Variants in GBE1 observed in about 807,000 individuals in gnomAD.
The protein encoded by GBE1 is 1,4-alpha-glucan-branching enzyme.
In GBE1, 70 loss-of-function variants were observed where a neutral mutation model predicts 88.8. The ratio of observed to expected loss-of-function variants is 0.79; its 90% CI spans 0.65 to 0.96. The LOEUF (loss-of-function observed/expected upper bound fraction) is 0.96. Among genes scored for constraint, GBE1 ranks in the 40% least tolerant of loss-of-function variants. The probability of loss-of-function intolerance (pLI) is 0.00; values close to 1 mark genes in which losing one functional copy is unlikely to be tolerated. For synonymous variants in GBE1, 284 were observed against 300.1 expected (o/e 0.95, Z 0.56); for missense variants, 872 against 871.0 (o/e 1.00, Z -0.01).
intron 12 of GBE1, among the ~76,000 whole-genome samples, chr3:81,566,223 T>G (rs969549874): frequency 1.3e-5 from 2 of 152,304 alleles, no homozygotes; most frequent in Middle Eastern, 6.8e-3. Flanking sequence ...CTCTCTTCAC[T>G]TCCTAGCCTT....
chr3:81,621,578 A>C (rs1704334017), intron 7 of GBE1, among the ~76,000 whole-genome samples: 1 of 152,016 alleles, frequency 6.6e-6, no homozygotes, highest in Non-Finnish European at 1.5e-5. Context: ...CCAACAGAAA[A>C]TTACTCCTAA....
chr3:81,750,605 A>ATATATACG (rs1706500358), intron 1 of GBE1, among the ~76,000 whole-genome samples: 1 of 35,540 alleles, frequency 2.8e-5, no homozygotes, highest in African/African-American at 1.4e-4. Flanking sequence ...ATATATGTGT[A>ATATATACG]TATATATATA....
At chr3:81,500,151 G>A (rs576922668) in intron 14 of GBE1, among the ~76,000 whole-genome samples, 5 of 152,110 alleles carry the variant, frequency 3.3e-5, no homozygotes, top group Non-Finnish European at 5.9e-5. Flanking sequence ...AGATGGACAC[G>A]CTACAGAAAC....
chr3:81,524,375 T>G (rs13323669), intron 14 of GBE1, among the ~76,000 whole-genome samples: 24,829 of 151,848 alleles, frequency 0.16, 2,118 homozygotes, highest in Non-Finnish European at 0.21. Flanking sequence ...TCCTTATGTA[T>G]TCTAGTTATT....
intron 1 of GBE1, among the ~76,000 whole-genome samples, chr3:81,708,523 T>C (rs1023046363): frequency 8.5e-5 from 13 of 152,124 alleles, no homozygotes; most frequent in Non-Finnish European, 1.3e-4. Flanking sequence ...ATAGTCTATA[T>C]GGATGGGATA....
chr3:81,630,806 G>A (rs912600827), intron 7 of GBE1, among the ~76,000 whole-genome samples: 1 of 152,148 alleles, frequency 6.6e-6, no homozygotes, highest in Non-Finnish European at 1.5e-5. Flanking sequence ...CTTTAAACAT[G>A]TAATCAGTAG....
intron 14 of GBE1, among the ~76,000 whole-genome samples, chr3:81,523,692 C>T (rs1367046486): frequency 6.6e-6 from 1 of 151,586 alleles, no homozygotes; most frequent in Non-Finnish European, 1.5e-5. Flanking sequence ...ACTCTCTTAT[C>T]TCCATGAGAT....
chr3:81,737,323 A>ATATATATTTT lies in GBE1; in HGVS notation c.143+24042_143+24051dup, dbSNP rs1706272298. 2.0e-5 allele frequency among the ~76,000 whole-genome samples: 2 copies of ATATATATTTT among 100,698 alleles called. 1 individual carries two copies. The highest frequency in any genetic ancestry group is 2.2e-4 in the Admixed American group (2 of 9,164). The allele number at this position is 100,698 out of a possible 152,430, so 66.1% of individuals were successfully genotyped here. On this transcript the variant is annotated intron_variant, in intron 1 of 15. Transcript: ENST00000429644. Reference sequence around the variant, plus strand: ...TATAAATATATATTTATATATATTTATATATATTTTTATATATATTTATAT... The same window carrying ATATATATTTT: ...TATAAATATATATTTATATATATTTATATATATTTTTATATATTTTTATATATATTTATAT...
intron 7 of GBE1, chr3:81,612,938 A>AGATGATGAT: frequency 2.6e-6 from 1 of 391,804 alleles, no homozygotes; most frequent in Non-Finnish European, 4.8e-6. Flanking sequence ...AAGGAGAAAA[A>AGATGATGAT]GATGATGATG....
At chr3:81,564,469 C>T (rs899745194) in intron 12 of GBE1, among the ~76,000 whole-genome samples, 1 of 152,094 alleles carries the variant, frequency 6.6e-6, no homozygotes, top group African/African-American at 2.4e-5. Flanking sequence ...ATCCTAAGAC[C>T]AAGACTGAAA....
chr3:81,509,572 A>G (rs186096799), intron 14 of GBE1: 79 of 151,852 alleles, frequency 5.2e-4, no homozygotes, highest in Admixed American at 1.4e-3. Context: ...TATATAAGAA[A>G]TTCCTTTTTT....
In GBE1 at chr3:81,591,108, C is replaced by T; in HGVS notation, c.1165G>A (p.Ala389Thr). Reference sequence around the variant, plus strand: ...TTTGCCAACATGAGGTAAGTCAAGGCATCTTCATCTACTTGTAGTCCGAAA... The same window carrying T: ...TTTGCCAACATGAGGTAAGTCAAGGTATCTTCATCTACTTGTAGTCCGAAA... ...EYFGLQVDED[A>T]LTYLMLANHL... The change falls in exon 9 of 16, where the codon GCC becomes ACC. Residue 389 changes from alanine to threonine, a missense_variant. By Grantham distance (58) the Ala-to-Thr change is moderately conservative. Transcript: ENST00000429644. 8 of 1,608,484 alleles carry T rather than the reference C, an allele frequency of 5.0e-6. No individual in the cohort carries two copies. Among genetic ancestry groups the T allele is most frequent in the East Asian group, 4.5e-5 (2 of 44,688 alleles).
chr3:81,584,483 G>A (rs1165227885), intron 10 of GBE1, among the ~76,000 whole-genome samples: 3 of 152,030 alleles, frequency 2.0e-5, no homozygotes, highest in East Asian at 1.9e-4. Flanking sequence ...GGGTTTTATT[G>A]TAATACTATT....
At chr3:81,612,302 T>C in intron 7 of GBE1, 1 of 858,800 alleles carries the variant, frequency 1.2e-6, no homozygotes, top group Non-Finnish European at 1.8e-6. Context: ...ATTCTGCGTT[T>C]GACTTTAATG....
At chr3:81,592,090 C>G (rs1703886441) in intron 8 of GBE1, among the ~76,000 whole-genome samples, 1 of 152,002 alleles carries the variant, frequency 6.6e-6, no homozygotes, top group South Asian at 2.1e-4. Context: ...GTACTGATTA[C>G]TATACTCAAA....
At chr3:81,639,681 T>A (rs1341495084) in intron 7 of GBE1, among the ~76,000 whole-genome samples, 1 of 152,154 alleles carries the variant, frequency 6.6e-6, no homozygotes, top group East Asian at 1.9e-4. Context: ...ACCCAGACCA[T>A]ATAAAATGGC....
At chr3:81,745,536 T>C (rs1439288489) in intron 1 of GBE1, among the ~76,000 whole-genome samples, 2 of 151,872 alleles carry the variant, frequency 1.3e-5, no homozygotes, top group Non-Finnish European at 2.9e-5. Flanking sequence ...ATAACAATAA[T>C]AATTATTGTA....
intron 10 of GBE1, among the ~76,000 whole-genome samples, chr3:81,581,612 G>A (rs897576628): frequency 8.6e-5 from 13 of 151,758 alleles, no homozygotes; most frequent in African/African-American, 2.7e-4. Context: ...GTTATTGCAC[G>A]GCATGTCTTC....
chr3:81,634,563 C>T (rs1314776577), intron 7 of GBE1, among the ~76,000 whole-genome samples: 1 of 151,894 alleles, frequency 6.6e-6, no homozygotes, highest in East Asian at 1.9e-4. Flanking sequence ...AGTGTTGCCG[C>T]CATGGCAAGC....
Sources: allele counts gnomAD v4.1 joint callset (sites outside exome capture counted in the v4.1 genomes callset), GRCh38; gene constraint gnomAD v4.1.1; transcripts MANE v1.5; gene names NCBI Gene and HGNC (gene_info 2026-07-23, HGNC 2026-07-21).